The following FAT4 variants were observed in gnomAD, a reference collection of about 807,000 sequenced individuals.
FAT4 encodes the protein FAT atypical cadherin 4, also known as protocadherin Fat 4.
FAT4 carries 84 observed loss-of-function variants against 303.9 expected under a neutral mutation model. The ratio of observed to expected loss-of-function variants is 0.28; its 90% CI spans 0.23 to 0.33. The LOEUF is 0.33. FAT4 is among the 10% of genes least tolerant of loss of function. The pLI is 1.00. For missense variants in FAT4, 6,005 were observed against 6,146.8 expected (o/e 0.98, Z 0.77); for synonymous variants, 2,307 against 2,298.8 (o/e 1.00, Z -0.10).
intron 8 of FAT4, among the ~76,000 whole-genome samples, chr4:125,440,343 A>G (rs1344405825): frequency 6.6e-6 from 1 of 151,906 alleles, no homozygotes; most frequent in African/African-American, 2.4e-5. Context: ...TCAGAAGACT[A>G]CTGAAATTTT....
At chr4:125,427,837 A>T (rs946252142) in intron 7 of FAT4, among the ~76,000 whole-genome samples, 2 of 152,220 alleles carry the variant, frequency 1.3e-5, no homozygotes, top group African/African-American at 4.8e-5. Context: ...TCTGCTGAAT[A>T]GCCTTTTATG....
At chr4:125,370,113 A>T (rs1410497222) in intron 2 of FAT4, among the ~76,000 whole-genome samples, 1 of 152,048 alleles carries the variant, frequency 6.6e-6, no homozygotes, top group Admixed American at 6.6e-5. Context: ...GATAGAATTC[A>T]TACTAGATTT....
intron 2 of FAT4, among the ~76,000 whole-genome samples, chr4:125,396,954 ATATATATATAT>A (rs537060358): frequency 3.7e-3 from 411 of 111,612 alleles, no homozygotes; most frequent in African/African-American, 0.011. Context: ...ATATATATAT[ATATATATATAT>A]AAAATATGTA....
At chr4:125,331,523 A>G (rs1055582810) in intron 2 of FAT4, among the ~76,000 whole-genome samples, 4 of 152,198 alleles carry the variant, frequency 2.6e-5, no homozygotes, top group African/African-American at 7.2e-5. Flanking sequence ...AGAAACATTT[A>G]TGGTGTCTGT....
At chr4:125,371,311 T>A (rs574233813) in intron 2 of FAT4, among the ~76,000 whole-genome samples, 1 of 151,900 alleles carries the variant, frequency 6.6e-6, no homozygotes, top group Non-Finnish European at 1.5e-5. Flanking sequence ...ACAAATAATA[T>A]TAAATATACA....
rs367762836 is a variant in FAT4 at position 125,318,569 on chromosome 4, A to G, written c.2158A>G (p.Thr720Ala). ...TVSATDPDLG[T>A]NGTVKYSISA... The stretch of plus-strand genomic sequence containing the variant: ...GTCTGCCACTGACCCAGACTTGGGT[A>G]CCAATGGTACTGTCAAATATAGCAT... Residue 720 changes from threonine to alanine, a missense_variant, in exon 2 of 18, where the codon ACC (threonine) becomes GCC (alanine). Transcript: ENST00000394329. The G allele has an allele frequency of 9.3e-6, 15 of 1,614,218 alleles. No individual in the cohort carries two copies. The highest frequency in any genetic ancestry group is 8.9e-5 in the East Asian group (4 of 44,884).
At chr4:125,344,966 A>T (rs1019333174) in intron 2 of FAT4, among the ~76,000 whole-genome samples, 1 of 152,062 alleles carries the variant, frequency 6.6e-6, no homozygotes, top group African/African-American at 2.4e-5. Flanking sequence ...TTGTGAATGG[A>T]TGAGTTTTGC....
chr4:125,420,044 T>A (rs1735225136), intron 7 of FAT4, among the ~76,000 whole-genome samples: 1 of 152,206 alleles, frequency 6.6e-6, no homozygotes, highest in South Asian at 2.1e-4. Flanking sequence ...GAGAAGGGCA[T>A]CCATGTCATG....
intron 2 of FAT4, among the ~76,000 whole-genome samples, chr4:125,322,518 T>C (rs1730993451): frequency 6.6e-6 from 1 of 152,242 alleles, no homozygotes; most frequent in South Asian, 2.1e-4. Flanking sequence ...TTGCTGTTTC[T>C]CAGTTCATTC....
At chr4:125,353,074 G>T (rs1732292537) in intron 2 of FAT4, among the ~76,000 whole-genome samples, 1 of 151,634 alleles carries the variant, frequency 6.6e-6, no homozygotes, top group Admixed American at 6.6e-5. Flanking sequence ...TTAGCAGATT[G>T]TAAATTTTAG....
intron 7 of FAT4, 118 bp downstream of exon 7, chr4:125,416,740 G>A (rs1735090529): frequency 1.1e-6 from 1 of 927,584 alleles, no homozygotes; most frequent in Admixed American, 2.3e-5. Flanking sequence ...GAGGTCGGGA[G>A]TTCAAGACCA....
In FAT4 at chr4:125,317,338, G is replaced by T. The variant is rs1208591948; in HGVS notation, c.927G>T (p.Glu309Asp). 3 of 1,611,886 alleles carry T rather than the reference G, an allele frequency of 1.9e-6. No homozygotes were observed. Among genetic ancestry groups the T allele is most frequent in the Non-Finnish European group, 2.5e-6 (3 of 1,178,884 alleles). The change falls in exon 2 of 18, where the codon GAG becomes GAT. Residue 309 changes from glutamate to aspartate, a missense_variant. By Grantham distance (45) the Glu-to-Asp change is conservative. Transcript: ENST00000394329. The surrounding 1 kb of genome is among the most constrained non-coding windows in gnomAD (Gnocchi z 7.0). ...AGACGGGACTTATCACGGTGCGGGA[G>T]CCCCTGGACTTCGAAGCTCGGCGCC... The part of the protein sequence containing the change: ...DPETGLITVR[E>D]PLDFEARRQY...
At chr4:125,356,546 T>TG (rs1732431421) in intron 2 of FAT4, among the ~76,000 whole-genome samples, 2 of 107,532 alleles carry the variant, frequency 1.9e-5, no homozygotes, top group African/African-American at 6.6e-5. Context: ...TGTTTTGTTT[T>TG]TTGTTTTTTT....
chr4:125,426,852 G>C (rs1400914815), intron 7 of FAT4, among the ~76,000 whole-genome samples: 1 of 151,896 alleles, frequency 6.6e-6, no homozygotes, highest in Admixed American at 6.6e-5. Context: ...AAAATTTATA[G>C]AAACTGAATG....
chr4:125,385,939 C>T (rs1364068557), intron 2 of FAT4, among the ~76,000 whole-genome samples: 1 of 152,060 alleles, frequency 6.6e-6, no homozygotes, highest in Non-Finnish European at 1.5e-5. Flanking sequence ...TATGCTGAAA[C>T]ATCTTATTAA....
chr4:125,327,785 C>T (rs1267734994), intron 2 of FAT4, among the ~76,000 whole-genome samples: 1 of 152,088 alleles, frequency 6.6e-6, no homozygotes. Flanking sequence ...TTTGAGGAAT[C>T]TGCTCTAGGA....
At chr4:125,393,385 T>G (rs1168899137) in intron 2 of FAT4, among the ~76,000 whole-genome samples, 1 of 152,188 alleles carries the variant, frequency 6.6e-6, no homozygotes, top group Non-Finnish European at 1.5e-5. Context: ...TTGAATATAA[T>G]CTTCTACTTT....
intron 2 of FAT4, among the ~76,000 whole-genome samples, chr4:125,397,466 C>G (rs778278400): frequency 2.6e-5 from 4 of 151,986 alleles, no homozygotes; most frequent in Non-Finnish European, 4.4e-5. Flanking sequence ...GAAATGGTGT[C>G]GAGAATGGTT....
At position 125,463,673 on chromosome 4, in the gene FAT4, T is replaced by A; in HGVS notation, c.11905+6T>A. ...TTATTGTCATTGTCCATTTGGTGAG[T>A]AAAACTTATTTGTTGATATAAAATA... On this transcript the variant is annotated splice_donor_region_variant and intron_variant, in intron 11 of 17. Coordinates refer to ENST00000394329, the MANE Select transcript of FAT4 (RefSeq NM_001291303.3). 1 of 1,509,698 alleles carries A rather than the reference T, an allele frequency of 6.6e-7. No individual in the cohort carries two copies. The highest frequency in any genetic ancestry group is 9.0e-7 in the Non-Finnish European group (1 of 1,111,132). The allele number at this position is 1,509,698 out of a possible 1,614,324, so 93.5% of individuals were successfully genotyped here. A position where few individuals can be genotyped will look rare whatever the true frequency, so the allele number is the denominator to read the frequency against.
Sources: allele counts gnomAD v4.1 joint callset (sites outside exome capture counted in the v4.1 genomes callset), GRCh38; gene constraint gnomAD v4.1.1; non-coding constraint Gnocchi (gnomAD v3.1); transcripts MANE v1.5; gene names NCBI Gene and HGNC (gene_info 2026-07-23, HGNC 2026-07-21).